The following GALNT17 variants were observed in gnomAD, a reference collection of about 807,000 sequenced individuals.
GALNT17 encodes UDP-GalNAc:polypeptide N-acetylgalactosaminyltransferase-like 3.
GALNT17 carries 29 observed loss-of-function variants against 63.7 expected under a neutral mutation model. That is an observed-to-expected ratio of 0.46 (90% CI 0.34 to 0.62). The LOEUF is 0.62. GALNT17 is among the 20% of genes least tolerant of loss of function. GALNT17 has a pLI of 0.01. For synonymous variants in GALNT17, 305 were observed against 318.3 expected, an observed-to-expected ratio of 0.96 and a Z score of 0.45; for missense variants, 603 against 799.6, an observed-to-expected ratio of 0.75 and a Z score of 2.97.
chr7:71,675,802 C>T (rs1336475506), intron 8 of GALNT17, among the ~76,000 whole-genome samples: 4 of 152,198 alleles, frequency 2.6e-5, no homozygotes, highest in East Asian at 3.9e-4. Context: ...GCCTGGCCAA[C>T]GTGGTGAAAC....
At chr7:71,481,615 C>T (rs1779557009) in intron 5 of GALNT17, among the ~76,000 whole-genome samples, 2 of 152,172 alleles carry the variant, frequency 1.3e-5, no homozygotes, top group South Asian at 4.2e-4. Flanking sequence ...AAACAGCAGC[C>T]GCTTTGTAGC....
At chr7:71,247,903 A>T (rs745833340) in intron 1 of GALNT17, among the ~76,000 whole-genome samples, 4 of 152,228 alleles carry the variant, frequency 2.6e-5, no homozygotes, top group Non-Finnish European at 5.9e-5. Flanking sequence ...CGTAAGGAAG[A>T]AGAAAATCTA....
intron 1 of GALNT17, among the ~76,000 whole-genome samples, chr7:71,232,402 GACCATTCC>G (rs1385828737): frequency 6.6e-6 from 1 of 152,152 alleles, no homozygotes; most frequent in African/African-American, 2.4e-5. Flanking sequence ...TACTGCCACT[GACCATTCC>G]AGGGTTACTT....
At chr7:71,320,222 A>G (rs1277658397) in intron 1 of GALNT17, among the ~76,000 whole-genome samples, 1 of 152,054 alleles carries the variant, frequency 6.6e-6, no homozygotes, top group Non-Finnish European at 1.5e-5. Flanking sequence ...ACAAAAATGT[A>G]ATGTGCCACC....
chr7:71,479,422 G>C (rs1029626214), intron 5 of GALNT17, among the ~76,000 whole-genome samples: 5 of 152,206 alleles, frequency 3.3e-5, no homozygotes, highest in Admixed American at 6.5e-5. Context: ...GCTGTGACAG[G>C]TGGAGACAGC....
chr7:71,267,762 C>T (rs966390385), intron 1 of GALNT17, among the ~76,000 whole-genome samples: 1 of 152,034 alleles, frequency 6.6e-6, no homozygotes, highest in African/African-American at 2.4e-5. Context: ...TAAACGAGTG[C>T]CATGCTGGTT....
intron 1 of GALNT17, among the ~76,000 whole-genome samples, chr7:71,161,991 T>C (rs923194263): frequency 6.7e-6 from 1 of 149,744 alleles, no homozygotes; most frequent in Non-Finnish European, 1.5e-5. Flanking sequence ...CTTCCTCTTC[T>C]TTCCTTCTTC....
At chr7:71,527,371 TC>T (rs1562676889) in intron 5 of GALNT17, among the ~76,000 whole-genome samples, 1 of 152,162 alleles carries the variant, frequency 6.6e-6, no homozygotes, top group Admixed American at 6.5e-5. Context: ...ACTGCAATTT[TC>T]CCCCGATTAT....
rs142162017 is a variant in GALNT17 at position 71,212,087 on chromosome 7, A to G, written c.238+79047A>G. ...TCCAGGCCATGTCAGAGACCTTCACAGCAGCCCCTCCCATCACAGGCCCAG... is the reference window on the plus strand; with the variant it reads ...TCCAGGCCATGTCAGAGACCTTCACGGCAGCCCCTCCCATCACAGGCCCAG... On this transcript the variant is annotated intron_variant, in intron 1 of 10. Coordinates refer to ENST00000333538, the MANE Select transcript of GALNT17 (RefSeq NM_022479.3). Among the ~76,000 whole-genome samples the G allele has an allele frequency of 3.7e-3, 562 of 152,324 alleles. 13 individuals carry two copies. The highest frequency in any genetic ancestry group is 0.027 in the Admixed American group (412 of 15,306).
At chr7:71,583,238 G>A (rs1228587123) in intron 6 of GALNT17, among the ~76,000 whole-genome samples, 2 of 152,034 alleles carry the variant, frequency 1.3e-5, no homozygotes, top group African/African-American at 4.8e-5. Context: ...GGGACCACAG[G>A]GGCACACCAC....
Position 71,282,594 on chromosome 7 carries a change from G to A in GALNT17, c.239-52956G>A, listed in dbSNP as rs550357942. ...TCCAAAAGGAAAATCCTGCATAAGGGCAGAGGAGGGAGGAATATTGTGCAG... is the reference window on the plus strand; with the variant it reads ...TCCAAAAGGAAAATCCTGCATAAGGACAGAGGAGGGAGGAATATTGTGCAG... On this transcript the variant is annotated intron_variant, in intron 1 of 10. Transcript: ENST00000333538. Among the ~76,000 whole-genome samples, 6 of 152,094 alleles carry A rather than the reference G, an allele frequency of 3.9e-5. 1 individual carries two copies. The highest frequency in any genetic ancestry group is 8.8e-5 in the Non-Finnish European group (6 of 67,988).
intron 5 of GALNT17, among the ~76,000 whole-genome samples, chr7:71,559,543 A>G (rs558935046): frequency 1.3e-5 from 2 of 152,280 alleles, no homozygotes; most frequent in East Asian, 3.9e-4. Flanking sequence ...TATCTACCAA[A>G]TGGAGCTGCT....
At chr7:71,489,717 A>G (rs1787975593) in intron 5 of GALNT17, among the ~76,000 whole-genome samples, 1 of 152,226 alleles carries the variant, frequency 6.6e-6, no homozygotes, top group African/African-American at 2.4e-5. Flanking sequence ...CTGGGCAGGA[A>G]AACTGCAACC....
intron 6 of GALNT17, among the ~76,000 whole-genome samples, chr7:71,628,422 A>C (rs1013130145): frequency 4.6e-5 from 7 of 152,044 alleles, no homozygotes; most frequent in Non-Finnish European, 1.0e-4. Context: ...TCCTGGGCTC[A>C]AGCAATTATC....
chr7:71,673,615 C>T (rs1791103759), intron 8 of GALNT17, among the ~76,000 whole-genome samples: 3 of 152,066 alleles, frequency 2.0e-5, no homozygotes, highest in Admixed American at 2.0e-4. Context: ...AAAATAGTTA[C>T]TAAAAAGGAA....
intron 5 of GALNT17, among the ~76,000 whole-genome samples, chr7:71,518,215 G>A (rs1211501462): frequency 6.6e-6 from 1 of 152,200 alleles, no homozygotes; most frequent in African/African-American, 2.4e-5. Flanking sequence ...TATAAAAATA[G>A]AAATACCGTG....
At chr7:71,447,096 C>A (rs1348677705) in intron 5 of GALNT17, among the ~76,000 whole-genome samples, 3 of 152,154 alleles carry the variant, frequency 2.0e-5, no homozygotes, top group Non-Finnish European at 4.4e-5. Flanking sequence ...CACTGGGTTT[C>A]CTACAATTCA....
intron 1 of GALNT17, among the ~76,000 whole-genome samples, chr7:71,334,029 GTACTC>G (rs972456087): frequency 1.3e-5 from 2 of 152,138 alleles, no homozygotes; most frequent in Admixed American, 1.3e-4. Flanking sequence ...AAGTGCTGGA[GTACTC>G]TAATTCTCCG....
rs754051036 is a variant in GALNT17, at chr7:71,639,448, T to C, written c.1081-25963T>C. Among the ~76,000 whole-genome samples, 103 of 152,322 alleles carry C rather than the reference T, an allele frequency of 6.8e-4. 1 individual carries two copies. Among genetic ancestry groups the C allele is most frequent in the Non-Finnish European group, 4.4e-4 (30 of 68,034 alleles). On this transcript the variant is annotated intron_variant, in intron 6 of 10. Transcript: ENST00000333538. ...GCTGTGCCTACTGGTGTCCCAGAGA[T>C]GACAGCTGTCCATCATCCTCTTTGG... is the stretch of plus-strand genomic sequence containing the variant.
Sources: gnomAD v4.1 joint callset for allele counts (sites outside exome capture counted in the v4.1 genomes callset) on GRCh38, gnomAD v4.1.1 for gene constraint, MANE v1.5 for transcripts, NCBI Gene and HGNC (gene_info 2026-07-23, HGNC 2026-07-21) for gene names.